Variants in CPAMD8 observed in about 807,000 individuals in gnomAD.
The protein encoded by CPAMD8 is C3 and PZP like alpha-2-macroglobulin domain containing 8.
A neutral mutation model predicts 224.7 loss-of-function variants in CPAMD8; 146 were observed. The observed-to-expected ratio is 0.65, with a 90% CI of 0.57 to 0.75. CPAMD8 has a LOEUF of 0.75. Among genes scored for constraint, CPAMD8 ranks in the 30% least tolerant of loss-of-function variants. CPAMD8 has a pLI of 0.00. For synonymous variants in CPAMD8, 966 were observed against 1,044.6 expected (o/e 0.92, Z 1.45); for missense variants, 2,301 against 2,537.5 (o/e 0.91, Z 2.00).
chr19:16,950,001 T>C (rs1284086725), intron 20 of CPAMD8, among the ~76,000 whole-genome samples: 1 of 152,072 alleles, frequency 6.6e-6, no homozygotes, highest in Non-Finnish European at 1.5e-5. Context: ...AGGAGCTTGA[T>C]AAAATGATGA....
chr19:17,005,186 A>G (rs2056452705), intron 7 of CPAMD8, among the ~76,000 whole-genome samples: 1 of 150,672 alleles, frequency 6.6e-6, no homozygotes, highest in South Asian at 2.1e-4. Flanking sequence ...AGTCCCCCAG[A>G]CATTGCCAAT....
At chr19:16,970,396 G>A (rs1410309536) in intron 18 of CPAMD8, among the ~76,000 whole-genome samples, 1 of 151,886 alleles carries the variant, frequency 6.6e-6, no homozygotes, top group East Asian at 1.9e-4. Context: ...TGACCAGCCT[G>A]GCCAACATGG....
chr19:16,995,647 C>T (rs1185780001), intron 11 of CPAMD8, among the ~76,000 whole-genome samples: 1 of 152,182 alleles, frequency 6.6e-6, no homozygotes, highest in African/African-American at 2.4e-5. Flanking sequence ...GTCATCCGCC[C>T]ACCTGGGCCT....
chr19:16,921,834 T>G (rs1173137798), intron 27 of CPAMD8, 71 bp downstream of exon 27: 3 of 967,684 alleles, frequency 3.1e-6, no homozygotes, highest in East Asian at 5.3e-5. Flanking sequence ...CTGGTCACAC[T>G]GCATTGGATG....
chr19:16,947,689 G>A (rs762250195), intron 20 of CPAMD8, among the ~76,000 whole-genome samples: 4 of 140,830 alleles, frequency 2.8e-5, no homozygotes, highest in Non-Finnish European at 6.1e-5. Flanking sequence ...GTTTATTCAT[G>A]TGCATGTGTG....
rs946605630 is a variant in CPAMD8 at position 17,002,213 on chromosome 19, T to C, written c.758+53A>G. 2.2e-5 allele frequency: 26 copies of C among 1,193,122 alleles called. No individual in the cohort carries two copies. In the African/African-American group the frequency reaches 3.2e-4, roughly 15 times the overall value. The allele number at this position is 1,193,122 out of a possible 1,614,324, so 73.9% of individuals were successfully genotyped here. On this transcript the variant is annotated intron_variant, in intron 9 of 41. Transcript: ENST00000443236. ...CGACCTTGAGGGAGCAGCGTGATGG[T>C]TGGGGAAGGGGAAGGGCCCCCCCAG...
chr19:16,952,823 T>C (rs1568521718), intron 19 of CPAMD8, among the ~76,000 whole-genome samples: 1 of 152,234 alleles, frequency 6.6e-6, no homozygotes, highest in Non-Finnish European at 1.5e-5. Context: ...ATGGAACCCC[T>C]ATCATAAACC....
intron 27 of CPAMD8, among the ~76,000 whole-genome samples, chr19:16,916,615 T>C (rs908694661): frequency 6.6e-6 from 1 of 151,912 alleles, no homozygotes; most frequent in East Asian, 2.0e-4. Context: ...GGCGGGCACC[T>C]GTAATCCCAG....
chr19:16,964,727 CACA>C (rs1192544358), intron 18 of CPAMD8, among the ~76,000 whole-genome samples: 1 of 151,976 alleles, frequency 6.6e-6, no homozygotes, highest in Non-Finnish European at 1.5e-5. Context: ...CTGGCAGAGA[CACA>C]ACAAAAAAAA....
chr19:16,979,123 ACCAT>A (rs1194212306), intron 14 of CPAMD8, among the ~76,000 whole-genome samples: 2 of 140,736 alleles, frequency 1.4e-5, no homozygotes, highest in Non-Finnish European at 3.1e-5. Flanking sequence ...TATCCATCCA[ACCAT>A]CCATCTATTC....
intron 19 of CPAMD8, among the ~76,000 whole-genome samples, chr19:16,955,470 G>A (rs1325754104): frequency 6.6e-6 from 1 of 152,130 alleles, no homozygotes; most frequent in Non-Finnish European, 1.5e-5. Context: ...ACCAAAGGCT[G>A]GGGGAAGGGA....
chr19:16,977,568 G>A, intron 14 of CPAMD8, 28 bp from the exon 15 acceptor site: 1 of 1,544,924 alleles, frequency 6.5e-7, no homozygotes, highest in Non-Finnish European at 8.7e-7. Context: ...AGAGAGAGGT[G>A]GTGAATTCTC....
rs1174881989 is a variant in CPAMD8, at chr19:16,898,689, G to A, written c.4849-695C>T. Among the ~76,000 whole-genome samples, 1 of 152,054 alleles carries A rather than the reference G, an allele frequency of 6.6e-6. No homozygotes were observed. Among genetic ancestry groups the A allele is most frequent in the African/African-American group, 2.4e-5 (1 of 41,362 alleles). On this transcript the variant is annotated intron_variant, in intron 37 of 41. Transcript: ENST00000443236. This position sits in a 1 kb window ranked among gnomAD's most constrained non-coding sequence, Gnocchi z 4.2. ...CTGTTCTGGGCATTTCATGTCAATG[G>A]AATCATGTACTCTGTGGCCTTTTGT... is the stretch of plus-strand genomic sequence containing the variant.
intron 30 of CPAMD8, among the ~76,000 whole-genome samples, chr19:16,906,448 T>TTCCTTC (rs2052522767): frequency 6.7e-6 from 1 of 149,572 alleles, no homozygotes; most frequent in African/African-American, 2.5e-5. Flanking sequence ...CTTTTCTTTC[T>TTCCTTC]CTTTCTTTCT....
intron 22 of CPAMD8, among the ~76,000 whole-genome samples, chr19:16,944,360 T>A (rs2054001658): frequency 6.6e-6 from 1 of 152,182 alleles, no homozygotes; most frequent in South Asian, 2.1e-4. Context: ...GCCGGACAAG[T>A]GGATACTGCA....
chr19:16,960,887 C>T (rs1204582505), intron 18 of CPAMD8, among the ~76,000 whole-genome samples: 3 of 150,778 alleles, frequency 2.0e-5, no homozygotes, highest in Non-Finnish European at 3.0e-5. Context: ...AGTGAGACTC[C>T]TCCTCAAAAA....
At chr19:16,961,329 A>G (rs113136632) in intron 18 of CPAMD8, among the ~76,000 whole-genome samples, 27,952 of 152,252 alleles carry the variant, frequency 0.18, 2,857 homozygotes, top group Admixed American at 0.25. Context: ...AGCTTTTCCC[A>G]TGGTCTTAGC....
In CPAMD8 at chr19:17,022,177, A is replaced by G. The variant is rs1162394083; in HGVS notation, c.97T>C (p.Tyr33His). The change falls in exon 2 of 42, where the codon TAC becomes CAC. Residue 33 changes from tyrosine to histidine, a missense_variant. By Grantham distance (83) the Tyr-to-His change is moderately conservative. Around this residue, in one of 4 missense-constraint regions of CPAMD8, gnomAD observed 283 missense variants for 340.6 expected, o/e 0.83. Coordinates refer to ENST00000443236, the MANE Select transcript of CPAMD8 (RefSeq NM_015692.5). The stretch of plus-strand genomic sequence containing the variant: ...AAAACAGAGGGAGCTGCAATCAAGT[A>G]ACCCCTGCAGGAAAGGAGATCCGAG... ...VRAAQPQAPG[Y>H]LIAAPSVFRA... is the part of the protein sequence containing the mutation. The G allele has an allele frequency of 6.2e-7, 1 of 1,609,834 alleles. No homozygotes were observed. The highest frequency in any genetic ancestry group is 1.3e-5 in the African/African-American group (1 of 74,886).
At chr19:17,008,309 G>A (rs1272632344) in intron 7 of CPAMD8, among the ~76,000 whole-genome samples, 196 bp downstream of exon 7, 2 of 152,214 alleles carry the variant, frequency 1.3e-5, no homozygotes, top group Admixed American at 6.5e-5. Flanking sequence ...GCTGTGGGCT[G>A]GGCTGAGGCT....
Sources: gnomAD v4.1 joint callset for allele counts (sites outside exome capture counted in the v4.1 genomes callset) on GRCh38, gnomAD v4.1.1 for gene constraint, gnomAD v4.1.1 regional missense constraint, Gnocchi (gnomAD v3.1) non-coding constraint, MANE v1.5 for transcripts, NCBI Gene and HGNC (gene_info 2026-07-23, HGNC 2026-07-21) for gene names.